Variants in SEMA5A observed in about 807,000 individuals in gnomAD.
The protein encoded by SEMA5A is semaphorin-5A.
A neutral mutation model predicts 135.5 loss-of-function variants in SEMA5A; 55 were observed. That is an observed-to-expected ratio of 0.41 (90% CI 0.33 to 0.51). The LOEUF (loss-of-function observed/expected upper bound fraction) is 0.51, where lower values mean the gene tolerates loss of function less well. SEMA5A is among the 20% of genes least tolerant of loss of function. SEMA5A has a pLI of 0.37. For missense variants in SEMA5A, 1,290 were observed against 1,419.9 expected, an observed-to-expected ratio of 0.91 and a Z score of 1.47; for synonymous variants, 580 against 546.5, an observed-to-expected ratio of 1.06 and a Z score of -0.85.
At chr5:9,380,391 G>T (rs918822341) in intron 2 of SEMA5A, among the ~76,000 whole-genome samples, 1 of 152,062 alleles carries the variant, frequency 6.6e-6, no homozygotes, top group East Asian at 1.9e-4. Flanking sequence ...AACCCCTTGC[G>T]CAAACACAGG....
At chr5:9,222,226 G>C (rs1453017980) in intron 8 of SEMA5A, among the ~76,000 whole-genome samples, 2 of 152,180 alleles carry the variant, frequency 1.3e-5, no homozygotes, top group African/African-American at 4.8e-5. Flanking sequence ...CTCAGCAGGG[G>C]GTGGAAGCAG....
intron 1 of SEMA5A, among the ~76,000 whole-genome samples, chr5:9,484,380 C>T (rs976542269): frequency 6.6e-6 from 1 of 152,140 alleles, no homozygotes; most frequent in Non-Finnish European, 1.5e-5. Flanking sequence ...TTTTAACACA[C>T]CGGTTGTTAT....
chr5:9,464,063 T>C (rs931968580), intron 1 of SEMA5A, among the ~76,000 whole-genome samples: 16 of 152,142 alleles, frequency 1.1e-4, no homozygotes, highest in Non-Finnish European at 2.1e-4. Flanking sequence ...GGTCTGTGCA[T>C]GGTGAGATCC....
chr5:9,459,196 T>C (rs755857976), intron 1 of SEMA5A, among the ~76,000 whole-genome samples: 4 of 152,228 alleles, frequency 2.6e-5, no homozygotes, highest in Non-Finnish European at 4.4e-5. Flanking sequence ...GATCGTAATT[T>C]AAACAGATTT....
chr5:9,388,963 C>A (rs533621808), intron 2 of SEMA5A, among the ~76,000 whole-genome samples: 1 of 152,096 alleles, frequency 6.6e-6, no homozygotes, highest in African/African-American at 2.4e-5. Context: ...TCGTCCACTG[C>A]AAGATGTGGA....
chr5:9,077,597 T>A (rs931266751), intron 16 of SEMA5A, among the ~76,000 whole-genome samples: 2 of 152,206 alleles, frequency 1.3e-5, no homozygotes, highest in East Asian at 3.9e-4. Context: ...ACATACCTTA[T>A]CATGCATCAT....
intron 11 of SEMA5A, among the ~76,000 whole-genome samples, chr5:9,162,900 G>A (rs915372471): frequency 2.6e-5 from 4 of 151,976 alleles, no homozygotes; most frequent in African/African-American, 2.4e-5. Flanking sequence ...CTGTTCATAC[G>A]GATCAAGAGC....
intron 5 of SEMA5A, among the ~76,000 whole-genome samples, chr5:9,287,925 G>GATTCTGAATATCCTTCCAGAT (rs1561110342): frequency 6.6e-6 from 1 of 152,144 alleles, no homozygotes; most frequent in Non-Finnish European, 1.5e-5. Context: ...AAACTCAATA[G>GATTCTGAATATCCTTCCAGAT]ATTCTGAATA....
At chr5:9,226,738 T>G (rs902269487) in intron 7 of SEMA5A, 131 bp downstream of exon 7, 2 of 562,542 alleles carry the variant, frequency 3.6e-6, no homozygotes, top group Non-Finnish European at 6.3e-6. Flanking sequence ...TTTATTCAAT[T>G]TGACAAAAAG....
chr5:9,335,217 G>T lies in SEMA5A; in HGVS notation c.224+2496C>A, dbSNP rs546317601. On this transcript the variant is annotated intron_variant, in intron 4 of 22. Coordinates refer to ENST00000382496, the MANE Select transcript of SEMA5A (RefSeq NM_003966.3). Reference sequence around the variant, plus strand: ...GAGATGGAAACCATTGGAGATATTGGACAGAGACCTCTAGGGATACTGAGA... The same window carrying T: ...GAGATGGAAACCATTGGAGATATTGTACAGAGACCTCTAGGGATACTGAGA... Among the ~76,000 whole-genome samples the T allele has an allele frequency of 7.2e-5, 11 of 152,158 alleles. No homozygotes were observed. In the South Asian group the frequency reaches 2.3e-3, roughly 32 times the overall value.
At chr5:9,502,857 G>C (rs1735669171) in intron 1 of SEMA5A, among the ~76,000 whole-genome samples, 1 of 152,154 alleles carries the variant, frequency 6.6e-6, no homozygotes, top group Non-Finnish European at 1.5e-5. Context: ...AGAAGGAAAG[G>C]AAAGCAAAGA....
intron 5 of SEMA5A, among the ~76,000 whole-genome samples, chr5:9,282,477 C>T (rs768462185): frequency 8.5e-5 from 13 of 152,136 alleles, no homozygotes; most frequent in Non-Finnish European, 1.5e-4. Flanking sequence ...ATTCCTAAAA[C>T]TTTCAACCAA....
intron 5 of SEMA5A, among the ~76,000 whole-genome samples, chr5:9,280,325 AAAAGT>A (rs1331505616): frequency 1.3e-5 from 2 of 152,214 alleles, no homozygotes; most frequent in African/African-American, 4.8e-5. Flanking sequence ...TGAATAATAG[AAAAGT>A]AAAGAAAAGA....
intron 3 of SEMA5A, 106 bp downstream of exon 3, chr5:9,379,717 G>T: frequency 7.6e-7 from 1 of 1,320,468 alleles, no homozygotes; most frequent in Non-Finnish European, 1.0e-6. Flanking sequence ...TGAAACAAGA[G>T]CCACTGGATT....
At chr5:9,256,102 C>T (rs1333328246) in intron 5 of SEMA5A, among the ~76,000 whole-genome samples, 2 of 152,186 alleles carry the variant, frequency 1.3e-5, no homozygotes, top group Non-Finnish European at 2.9e-5. Context: ...AATTCTAATG[C>T]AATTTCCTAA....
intron 2 of SEMA5A, among the ~76,000 whole-genome samples, chr5:9,381,660 C>T (rs1755614884): frequency 6.6e-6 from 1 of 152,186 alleles, no homozygotes; most frequent in Non-Finnish European, 1.5e-5. Flanking sequence ...ATGAGCCCAA[C>T]TCTCCAGCCA....
chr5:9,185,941 G>A (rs1744783602), intron 11 of SEMA5A, among the ~76,000 whole-genome samples: 1 of 152,250 alleles, frequency 6.6e-6, no homozygotes, highest in South Asian at 2.1e-4. Context: ...CTGTCACAGT[G>A]GTGGGGAAGA....
intron 21 of SEMA5A, chr5:9,045,898 C>A (rs949145871): frequency 6.6e-6 from 1 of 152,154 alleles, no homozygotes; most frequent in Non-Finnish European, 1.5e-5. Flanking sequence ...CATACCAAGA[C>A]CTGTGTTATG....
intron 16 of SEMA5A, among the ~76,000 whole-genome samples, chr5:9,088,492 T>G (rs1394665): frequency 0.013 from 1,990 of 150,734 alleles, 17 homozygotes; most frequent in African/African-American, 0.031. Flanking sequence ...TATTAGAGGT[T>G]ACTCAGCTTT....
Sources: gnomAD v4.1 joint callset for allele counts (sites outside exome capture counted in the v4.1 genomes callset) on GRCh38, gnomAD v4.1.1 for gene constraint, MANE v1.5 for transcripts, NCBI Gene and HGNC (gene_info 2026-07-23, HGNC 2026-07-21) for gene names.